Variants in HS3ST4 observed in about 807,000 individuals in gnomAD.
The protein encoded by HS3ST4 is heparan sulfate glucosamine 3-O-sulfotransferase 4.
A neutral mutation model predicts 29.2 loss-of-function variants in HS3ST4; 17 were observed. The ratio of observed to expected loss-of-function variants is 0.58; its 90% confidence interval spans 0.40 to 0.87. The LOEUF is 0.87. HS3ST4 is among the 40% of genes least tolerant of loss of function. HS3ST4 has a pLI of 0.00. For missense variants in HS3ST4, 627 were observed against 634.5 expected (o/e 0.99, Z 0.13); for synonymous variants, 314 against 285.7 (o/e 1.10, Z -1.00).
chr16:26,104,270 G>A (rs1465534550), intron 1 of HS3ST4, among the ~76,000 whole-genome samples: 1 of 152,176 alleles, frequency 6.6e-6, no homozygotes, highest in African/African-American at 2.4e-5. Context: ...TGGGAATCCA[G>A]CCCCCACTCC....
intron 1 of HS3ST4, among the ~76,000 whole-genome samples, chr16:25,789,454 CCT>C (rs1966864023): frequency 3.2e-5 from 1 of 30,922 alleles, no homozygotes; most frequent in Non-Finnish European, 6.1e-5. Flanking sequence ...TTCCTTCCTT[CCT>C]TCCTTCCTTC....
At chr16:26,047,199 A>C (rs1342425115) in intron 1 of HS3ST4, among the ~76,000 whole-genome samples, 1 of 152,220 alleles carries the variant, frequency 6.6e-6, no homozygotes, top group Non-Finnish European at 1.5e-5. Flanking sequence ...GAGTTCTTGC[A>C]TGATGGGGAA....
chr16:26,044,407 G>T (rs1567300621), intron 1 of HS3ST4, among the ~76,000 whole-genome samples: 1 of 152,184 alleles, frequency 6.6e-6, no homozygotes, highest in Admixed American at 6.5e-5. Context: ...TCTTTCCTAT[G>T]TGATGGAGCC....
intron 1 of HS3ST4, among the ~76,000 whole-genome samples, chr16:25,815,423 A>C (rs907519932): frequency 6.6e-6 from 1 of 152,150 alleles, no homozygotes; most frequent in African/African-American, 2.4e-5. Flanking sequence ...TCCCAAGTTC[A>C]AGCGATTCTT....
At chr16:25,785,764 A>G (rs1233970143) in intron 1 of HS3ST4, among the ~76,000 whole-genome samples, 1 of 152,280 alleles carries the variant, frequency 6.6e-6, no homozygotes, top group East Asian at 1.9e-4. Context: ...CCGGTAACCC[A>G]AAAGTCCATT....
intron 1 of HS3ST4, among the ~76,000 whole-genome samples, chr16:25,852,339 G>C (rs1174688974): frequency 1.3e-5 from 2 of 152,006 alleles, no homozygotes; most frequent in Non-Finnish European, 2.9e-5. Context: ...ACATGTGCAG[G>C]ATGTGCAGGT....
At chr16:25,864,058 T>A (rs1014397707) in intron 1 of HS3ST4, among the ~76,000 whole-genome samples, 5 of 152,174 alleles carry the variant, frequency 3.3e-5, no homozygotes, top group African/African-American at 9.6e-5. Context: ...GCACACGCCC[T>A]CTTCTCTCTG....
rs549355393 is a variant in HS3ST4 at position 25,737,072 on chromosome 16, G to GT, written c.734+43922dup. On this transcript the variant is annotated intron_variant, in intron 1 of 1. Coordinates refer to ENST00000331351, the MANE Select transcript of HS3ST4 (RefSeq NM_006040.3). ...TTTAACTTTTATTTTAGATTTGGGG[G>GT]TACATATGCAGGTTTGTTATATAGG... Among the ~76,000 whole-genome samples, 739 of 151,898 alleles carry GT rather than the reference G, an allele frequency of 4.9e-3. 5 individuals are homozygous for GT. The highest frequency in any genetic ancestry group is 0.017 in the African/African-American group (709 of 41,380).
chr16:26,056,289 G>A (rs140518159), intron 1 of HS3ST4, among the ~76,000 whole-genome samples: 2 of 152,154 alleles, frequency 1.3e-5, no homozygotes, highest in Non-Finnish European at 2.9e-5. Flanking sequence ...GGAAGTTTTT[G>A]AGAACTATTG....
At chr16:25,896,875 A>G (rs911288449) in intron 1 of HS3ST4, among the ~76,000 whole-genome samples, 4 of 152,250 alleles carry the variant, frequency 2.6e-5, no homozygotes, top group Non-Finnish European at 4.4e-5. Flanking sequence ...GGAGGCCGTT[A>G]TCTTAAGTGA....
At chr16:25,741,365 TAAAAAAAAAAA>T (rs66788248) in intron 1 of HS3ST4, among the ~76,000 whole-genome samples, 2 of 66,186 alleles carry the variant, frequency 3.0e-5, no homozygotes, top group African/African-American at 6.1e-5. Context: ...GAATTCAAGG[TAAAAAAAAAAA>T]AAAAAAAAAA....
chr16:25,852,591 T>C (rs942769428), intron 1 of HS3ST4, among the ~76,000 whole-genome samples: 1 of 151,922 alleles, frequency 6.6e-6, no homozygotes, highest in South Asian at 2.1e-4. Context: ...TTTTAAAAGC[T>C]CTTTATAAGA....
At chr16:26,075,684 G>A (rs1898653845) in intron 1 of HS3ST4, among the ~76,000 whole-genome samples, 3 of 152,148 alleles carry the variant, frequency 2.0e-5, no homozygotes, top group South Asian at 4.1e-4. Flanking sequence ...GCTGGCTGGG[G>A]TATAAATATG....
chr16:25,974,306 C>G (rs1262980480), intron 1 of HS3ST4, among the ~76,000 whole-genome samples: 2 of 152,148 alleles, frequency 1.3e-5, no homozygotes, highest in Non-Finnish European at 2.9e-5. Context: ...TCATTTGTCT[C>G]TGAAGCTATT....
intron 1 of HS3ST4, among the ~76,000 whole-genome samples, chr16:25,938,110 C>T (rs532244215): frequency 1.3e-4 from 20 of 152,254 alleles, no homozygotes; most frequent in African/African-American, 4.3e-4. Flanking sequence ...TATACCAAAC[C>T]TGACCCAAAC....
At chr16:25,718,872 T>TA (rs1215552450) in intron 1 of HS3ST4, among the ~76,000 whole-genome samples, 1 of 152,176 alleles carries the variant, frequency 6.6e-6, no homozygotes, top group Non-Finnish European at 1.5e-5. Context: ...TATATGCTGA[T>TA]AAGAGAAGGG....
chr16:26,048,487 A>T (rs1355129350), intron 1 of HS3ST4, among the ~76,000 whole-genome samples: 3 of 152,194 alleles, frequency 2.0e-5, no homozygotes, highest in Non-Finnish European at 1.5e-5. Flanking sequence ...TATGTGTGAC[A>T]CAGTTTTAAG....
intron 1 of HS3ST4, among the ~76,000 whole-genome samples, chr16:26,102,672 C>T (rs546286252): frequency 9.5e-4 from 144 of 152,280 alleles, no homozygotes; most frequent in Non-Finnish European, 1.4e-3. Context: ...TATAATGTTA[C>T]GTGATTTACT....
intron 1 of HS3ST4, among the ~76,000 whole-genome samples, chr16:26,075,565 T>C (rs961711332): frequency 6.6e-6 from 1 of 152,234 alleles, no homozygotes; most frequent in South Asian, 2.1e-4. Flanking sequence ...CAGGATGTGG[T>C]CTTTTGCAGT....
Sources: gnomAD v4.1 joint callset for allele counts (sites outside exome capture counted in the v4.1 genomes callset) on GRCh38, gnomAD v4.1.1 for gene constraint, MANE v1.5 for transcripts, NCBI Gene and HGNC (gene_info 2026-07-23, HGNC 2026-07-21) for gene names.